Variants in STARD3 observed in about 807,000 individuals in gnomAD.
The protein encoded by STARD3 is StAR related lipid transfer domain containing 3.
A neutral mutation model predicts 62.0 loss-of-function variants in STARD3; 39 were observed. That is an observed-to-expected ratio of 0.63 (90% CI 0.49 to 0.82). The LOEUF is 0.82. STARD3 is among the 40% of genes least tolerant of loss of function. The probability of loss-of-function intolerance (pLI) is 0.00; values close to 1 mark genes in which losing one functional copy is unlikely to be tolerated. For missense variants in STARD3, 543 were observed against 584.5 expected (o/e 0.93, Z 0.73); for synonymous variants, 229 against 242.4 (o/e 0.94, Z 0.51).
At chr17:39,661,679 C>T (rs1261661309) in intron 13 of STARD3, among the ~76,000 whole-genome samples, 4 of 152,200 alleles carry the variant, frequency 2.6e-5, no homozygotes, top group Admixed American at 6.5e-5. Context: ...AGCAGGAGCA[C>T]TGTTCTTTGA....
At chr17:39,654,917 G>A (rs2057113134) in intron 2 of STARD3, among the ~76,000 whole-genome samples, 1 of 152,228 alleles carries the variant, frequency 6.6e-6, no homozygotes, top group African/African-American at 2.4e-5. Context: ...AGGGCTCTGA[G>A]GGTGACTGTC....
chr17:39,652,689 G>T (rs545246819), intron 1 of STARD3: 1 of 152,800 alleles, frequency 6.5e-6, no homozygotes, highest in African/African-American at 2.4e-5. Context: ...CAGAGAGAAG[G>T]GCTGGGCAGA....
Position 39,657,965 on chromosome 17 carries a change from CT to C in STARD3, c.376-7del. On this transcript the variant is annotated splice_region_variant and splice_polypyrimidine_tract_variant and intron_variant, in intron 4 of 14. Coordinates refer to ENST00000336308, the MANE Select transcript of STARD3 (RefSeq NM_006804.4). ...GCCTTCCCCTTCCTCCCTCCCTCCC[CT>C]GGGCAGGTCACGACGCTGGTGTCCA... 6.3e-7 allele frequency: 1 copy of C among 1,595,964 alleles called. No homozygotes were observed. The highest frequency in any genetic ancestry group is 2.2e-5 in the East Asian group (1 of 44,720).
rs913395492 is a variant in STARD3, at chr17:39,648,560, G to A, written c.-51-4921G>A. Among the ~76,000 whole-genome samples the A allele has an allele frequency of 3.9e-5, 6 of 152,276 alleles. No individual in the cohort carries two copies. In the South Asian group the frequency reaches 6.2e-4, roughly 16 times the overall value. ...GAGAAGGACTTGCCCAGAGTTAGGC[G>A]GAATTACTGGTTGCCCGGAGACTGG... On this transcript the variant is annotated intron_variant, in intron 1 of 14. Transcript: ENST00000336308.
At chr17:39,661,173 A>G (rs2057193925) in intron 13 of STARD3, 88 bp downstream of exon 13, 1 of 1,225,940 alleles carries the variant, frequency 8.2e-7, no homozygotes, top group Non-Finnish European at 1.2e-6. Context: ...ACAGCTGGGC[A>G]CTTCCCCTGC....
Position 39,658,037 on chromosome 17 carries a change from C to A in STARD3, c.429+11C>A. On this transcript the variant is annotated intron_variant, in intron 5 of 14. Coordinates refer to ENST00000336308, the MANE Select transcript of STARD3 (RefSeq NM_006804.4). ...GTCATCCTCTCTGAGGTCAGTGGCT[C>A]AGGGTCTGGCCAGTCTGGTGGGCAT... 2 of 1,554,340 alleles carry A rather than the reference C, an allele frequency of 1.3e-6. No individual in the cohort carries two copies. Among genetic ancestry groups the A allele is most frequent in the Non-Finnish European group, 1.7e-6 (2 of 1,148,482 alleles).
intron 1 of STARD3, among the ~76,000 whole-genome samples, chr17:39,637,869 A>G (rs966864491): frequency 6.6e-5 from 10 of 151,142 alleles, no homozygotes; most frequent in Admixed American, 6.6e-5. Context: ...CGCTCTGTAC[A>G]CTGAATCTCA....
At chr17:39,658,659 G>T (rs781573802) in intron 6 of STARD3, 63 bp from the exon 7 acceptor site, 3 of 1,596,912 alleles carry the variant, frequency 1.9e-6, no homozygotes, top group Non-Finnish European at 1.7e-6. Context: ...GAGCTTGGGT[G>T]GGGGTACCCC....
intron 9 of STARD3, 66 bp downstream of exon 9, chr17:39,659,619 C>A: frequency 2.6e-6 from 4 of 1,540,154 alleles, no homozygotes; most frequent in Admixed American, 1.7e-5. Flanking sequence ...TTTTCTGAGG[C>A]CTGAGGAAGA....
In STARD3 at chr17:39,662,881, CA is replaced by C. The variant is rs2057216478; in HGVS notation, c.1312del (p.Ile438SerfsTer57). 6.2e-7 allele frequency: 1 copy of C among 1,612,248 alleles called. No individual in the cohort carries two copies. Among genetic ancestry groups the C allele is most frequent in the Non-Finnish European group, 8.5e-7 (1 of 1,179,464 alleles). On this transcript the variant is annotated frameshift_variant, in exon 15 of 15. Transcript: ENST00000336308. LOFTEE classifies it high-confidence loss of function. Reference sequence around the variant, plus strand: ...AATTTGCCTTTCACCTGCGACAGCGCATCAGCGAGCTGGGGGCCCGGGCGTG... The same window carrying C: ...AATTTGCCTTTCACCTGCGACAGCGCTCAGCGAGCTGGGGGCCCGGGCGTG... ...FEFAFHLRQR[I>X]SELGARA
intron 1 of STARD3, among the ~76,000 whole-genome samples, chr17:39,650,806 C>A (rs2057071451): frequency 1.3e-5 from 2 of 152,004 alleles, no homozygotes; most frequent in Non-Finnish European, 2.9e-5. Flanking sequence ...AGAGCAAGAC[C>A]CTGCCTCTAA....
Position 39,660,997 on chromosome 17 carries a change from C to A in STARD3, c.1051C>A (p.Arg351=), listed in dbSNP as rs748976068. The A allele has an allele frequency of 6.2e-7, 1 of 1,613,768 alleles. No individual in the cohort carries two copies. The highest frequency in any genetic ancestry group is 1.7e-5 in the Admixed American group (1 of 60,020). The change falls in exon 13 of 15, where the codon CGG becomes AGG. Residue 351 remains arginine, a synonymous_variant. Coordinates refer to ENST00000336308, the MANE Select transcript of STARD3 (RefSeq NM_006804.4). The surrounding 1 kb of genome is among the most constrained non-coding windows in gnomAD (Gnocchi z 4.8). ...VVSPRDFVNV[R]RIERRRDRYL... ...CTCCCGCAGGGACTTCGTGAATGTCCGGCGCATTGAGCGGCGCAGGGACCG... is the reference window on the plus strand; with the variant it reads ...CTCCCGCAGGGACTTCGTGAATGTCAGGCGCATTGAGCGGCGCAGGGACCG...
At chr17:39,642,985 C>G (rs142588338) in intron 1 of STARD3, among the ~76,000 whole-genome samples, 1 of 151,952 alleles carries the variant, frequency 6.6e-6, no homozygotes, top group Non-Finnish European at 1.5e-5. Context: ...TGGGGACTTA[C>G]GCCTTTATTC....
intron 3 of STARD3, 47 bp from the exon 4 acceptor site, chr17:39,657,728 G>C (rs377359957): frequency 1.0e-5 from 16 of 1,607,598 alleles, no homozygotes; most frequent in Non-Finnish European, 1.4e-5. Flanking sequence ...GCAGCAGGGT[G>C]GGGGGCAGTA....
chr17:39,658,983 G>A lies in STARD3; in HGVS notation c.647-68G>A, dbSNP rs763868162. On this transcript the variant is annotated intron_variant, in intron 7 of 14. Transcript: ENST00000336308. ...CCCACATCCTTGCACTCACATACCC[G>A]AACCCCACTACCTCCCCACACTCTC... is the stretch of plus-strand genomic sequence containing the variant. 2.6e-5 allele frequency: 41 copies of A among 1,601,958 alleles called. No homozygotes were observed. The East Asian group carries it at 2.7e-4, about 10-fold the overall frequency.
chr17:39,645,685 T>A (rs1166335216), intron 1 of STARD3, among the ~76,000 whole-genome samples: 1 of 152,070 alleles, frequency 6.6e-6, no homozygotes, highest in African/African-American at 2.4e-5. Flanking sequence ...TTGGCCAGGC[T>A]GGCCTCAAAC....
At chr17:39,661,619 G>T (rs2057199384) in intron 13 of STARD3, among the ~76,000 whole-genome samples, 1 of 152,140 alleles carries the variant, frequency 6.6e-6, no homozygotes, top group African/African-American at 2.4e-5. Context: ...TGGTGCTGCG[G>T]GTGGCCCCCT....
intron 13 of STARD3, among the ~76,000 whole-genome samples, chr17:39,661,907 G>A (rs2057203104): frequency 6.6e-6 from 1 of 152,230 alleles, no homozygotes. Context: ...GGGGTAAGAA[G>A]CGCCAGCCCA....
chr17:39,656,993 G>A lies in STARD3; in HGVS notation c.220-15G>A. On this transcript the variant is annotated splice_polypyrimidine_tract_variant and intron_variant, in intron 2 of 14. Transcript: ENST00000336308. Reference sequence around the variant, plus strand: ...TGCTTCTACCTGCAGAGCTCTTCCTGTCTCCCTCTCACAGACCAACACAGG... The same window carrying A: ...TGCTTCTACCTGCAGAGCTCTTCCTATCTCCCTCTCACAGACCAACACAGG... 6.2e-7 allele frequency: 1 copy of A among 1,613,922 alleles called. No individual in the cohort carries two copies. The highest frequency in any genetic ancestry group is 8.5e-7 in the Non-Finnish European group (1 of 1,179,888).
Sources: gnomAD v4.1 joint callset for allele counts (sites outside exome capture counted in the v4.1 genomes callset) on GRCh38, gnomAD v4.1.1 for gene constraint, Gnocchi (gnomAD v3.1) non-coding constraint, MANE v1.5 for transcripts, NCBI Gene and HGNC (gene_info 2026-07-23, HGNC 2026-07-21) for gene names.